AGPS: variants seen among roughly 807,000 people sequenced by gnomAD.
The protein encoded by AGPS is alkyldihydroxyacetonephosphate synthase, peroxisomal.
A neutral mutation model predicts 90.7 loss-of-function variants in AGPS; 26 were observed. The ratio of observed to expected loss-of-function variants is 0.29; its 90% CI spans 0.21 to 0.40. AGPS has a LOEUF of 0.40. AGPS is among the 10% of genes least tolerant of loss of function. AGPS has a pLI of 1.00. For synonymous variants in AGPS, 294 were observed against 285.3 expected, an observed-to-expected ratio of 1.03 and a Z score of -0.31; for missense variants, 540 against 816.1, an observed-to-expected ratio of 0.66 and a Z score of 4.12.
chr2:177,433,341 C>T (rs1686297124), intron 2 of AGPS, among the ~76,000 whole-genome samples: 1 of 152,124 alleles, frequency 6.6e-6, no homozygotes, highest in African/African-American at 2.4e-5. Flanking sequence ...AATGAGATGC[C>T]AATGGAATGT....
intron 11 of AGPS, among the ~76,000 whole-genome samples, chr2:177,486,638 C>G (rs918542723): frequency 2.0e-5 from 3 of 147,896 alleles, no homozygotes; most frequent in African/African-American, 7.4e-5. Context: ...TTTTCAGATT[C>G]AAGTTGCTTT....
At chr2:177,506,932 T>C (rs1233762049) in intron 15 of AGPS, among the ~76,000 whole-genome samples, 1 of 152,080 alleles carries the variant, frequency 6.6e-6, no homozygotes, top group African/African-American at 2.4e-5. Flanking sequence ...AAATGAAATA[T>C]AACTGTAACA....
At chr2:177,441,364 A>G in intron 6 of AGPS, 1 of 257,268 alleles carries the variant, frequency 3.9e-6, no homozygotes, top group Non-Finnish European at 7.5e-6. Flanking sequence ...TCAAAAGCTA[A>G]ATATAAATAT....
chr2:177,441,887 A>G (rs1273873509), intron 6 of AGPS, among the ~76,000 whole-genome samples: 1 of 152,220 alleles, frequency 6.6e-6, no homozygotes, highest in East Asian at 1.9e-4. Flanking sequence ...AAGAACATAT[A>G]AATGTTTTTA....
chr2:177,415,672 C>A (rs1685765463), intron 1 of AGPS, among the ~76,000 whole-genome samples: 1 of 152,098 alleles, frequency 6.6e-6, no homozygotes, highest in African/African-American at 2.4e-5. Context: ...CCTTGTTGAC[C>A]CATCTAGAAA....
chr2:177,481,772 T>C (rs1305460335), intron 10 of AGPS, among the ~76,000 whole-genome samples: 1 of 152,082 alleles, frequency 6.6e-6, no homozygotes, highest in Admixed American at 6.5e-5. Context: ...TGTAATACTT[T>C]AAAAGCCATT....
At chr2:177,463,876 TAAGTGTA>T (rs1289424836) in intron 9 of AGPS, among the ~76,000 whole-genome samples, 1 of 152,232 alleles carries the variant, frequency 6.6e-6, no homozygotes, top group Non-Finnish European at 1.5e-5. Flanking sequence ...ATACAAATTA[TAAGTGTA>T]CATCCTAGTG....
chr2:177,462,508 A>G (rs958347599), intron 9 of AGPS, among the ~76,000 whole-genome samples: 5 of 152,084 alleles, frequency 3.3e-5, no homozygotes, highest in Non-Finnish European at 7.4e-5. Context: ...TAATCAAAAC[A>G]CAACTGTGGT....
chr2:177,534,266 C>T (rs375801267), intron 19 of AGPS, among the ~76,000 whole-genome samples: 1 of 152,136 alleles, frequency 6.6e-6, no homozygotes, highest in Non-Finnish European at 1.5e-5. Context: ...TTATACCTTG[C>T]GTACATGTCT....
intron 10 of AGPS, among the ~76,000 whole-genome samples, chr2:177,473,819 C>T (rs1687697074): frequency 6.6e-6 from 1 of 152,210 alleles, no homozygotes; most frequent in South Asian, 2.1e-4. Context: ...TGGGACCATG[C>T]AGAATTCCTA....
intron 13 of AGPS, among the ~76,000 whole-genome samples, chr2:177,498,458 C>A (rs1357358794): frequency 2.6e-5 from 4 of 151,106 alleles, no homozygotes; most frequent in Non-Finnish European, 5.9e-5. Flanking sequence ...CCCAGTCAGG[C>A]ATCTCCTTTT....
intron 11 of AGPS, among the ~76,000 whole-genome samples, chr2:177,485,774 G>A (rs879819900): frequency 2.0e-5 from 3 of 152,032 alleles, no homozygotes; most frequent in Admixed American, 2.0e-4. Flanking sequence ...AAAATTAGCT[G>A]GGTATGGAGG....
chr2:177,521,592 CA>C (rs1392071363), intron 18 of AGPS, among the ~76,000 whole-genome samples: 2 of 152,122 alleles, frequency 1.3e-5, no homozygotes, highest in African/African-American at 4.8e-5. Context: ...TCAGTTGTTA[CA>C]GTACATAATA....
intron 12 of AGPS, 65 bp downstream of exon 12, chr2:177,493,264 A>G: frequency 7.1e-7 from 1 of 1,401,200 alleles, no homozygotes; most frequent in Non-Finnish European, 1.0e-6. Flanking sequence ...CATCAGTAGG[A>G]AGAGTACGGA....
chr2:177,425,714 T>C (rs181032028), intron 2 of AGPS, among the ~76,000 whole-genome samples: 11 of 152,088 alleles, frequency 7.2e-5, no homozygotes, highest in African/African-American at 2.6e-4. Flanking sequence ...GTGTGCAGTC[T>C]TATTTCTGGG....
chr2:177,523,317 A>G (rs1689252915), intron 18 of AGPS, among the ~76,000 whole-genome samples: 1 of 152,260 alleles, frequency 6.6e-6, no homozygotes, highest in Non-Finnish European at 1.5e-5. Context: ...TATACTGAAA[A>G]TAAGATACTG....
chr2:177,422,282 C>T (rs984460456), intron 2 of AGPS, among the ~76,000 whole-genome samples: 1 of 152,046 alleles, frequency 6.6e-6, no homozygotes, highest in Non-Finnish European at 1.5e-5. Context: ...GTTAGGGTAT[C>T]TAGAGAACAA....
chr2:177,406,157 C>G (rs1376527605), intron 1 of AGPS, among the ~76,000 whole-genome samples: 1 of 152,208 alleles, frequency 6.6e-6, no homozygotes, highest in Non-Finnish European at 1.5e-5. Context: ...TTGCTTTTCT[C>G]TCATTGCCAC....
intron 11 of AGPS, 113 bp downstream of exon 11, chr2:177,482,299 A>C: frequency 1.7e-6 from 1 of 594,156 alleles, no homozygotes; most frequent in Non-Finnish European, 2.6e-6. Flanking sequence ...CTTCATTTTT[A>C]GTTGTATTAT....
Sources: gnomAD v4.1 joint callset for allele counts (sites outside exome capture counted in the v4.1 genomes callset) on GRCh38, gnomAD v4.1.1 for gene constraint, MANE v1.5 for transcripts, NCBI Gene and HGNC (gene_info 2026-07-23, HGNC 2026-07-21) for gene names.